The following SLC16A7 variants were observed in gnomAD, a reference collection of about 807,000 sequenced individuals.
SLC16A7 encodes solute carrier family 16 member 7.
A neutral mutation model predicts 34.9 loss-of-function variants in SLC16A7; 33 were observed. The observed-to-expected ratio is 0.94, with a 90% CI of 0.72 to 1.26. The LOEUF (loss-of-function observed/expected upper bound fraction) is 1.26. SLC16A7 is among the 50% of genes most tolerant of loss of function. The pLI is 0.00. For missense variants in SLC16A7, 573 were observed against 578.1 expected, an observed-to-expected ratio of 0.99 and a Z score of 0.09; for synonymous variants, 201 against 206.6, an observed-to-expected ratio of 0.97 and a Z score of 0.23.
At chr12:59,602,522 C>T (rs1421251580) in intron 1 of SLC16A7, among the ~76,000 whole-genome samples, 2 of 121,480 alleles carry the variant, frequency 1.6e-5, no homozygotes, top group Non-Finnish European at 3.2e-5. Flanking sequence ...TTCACTGCAA[C>T]ACCCAGGCTT....
intron 3 of SLC16A7, among the ~76,000 whole-genome samples, chr12:59,718,036 G>C (rs1241587742): frequency 6.6e-6 from 1 of 152,130 alleles, no homozygotes. Flanking sequence ...TTTGGTTCCA[G>C]ACAGTTCTCT....
chr12:59,771,688 T>A (rs1592688203), intron 4 of SLC16A7, among the ~76,000 whole-genome samples: 1 of 152,202 alleles, frequency 6.6e-6, no homozygotes, highest in Non-Finnish European at 1.5e-5. Flanking sequence ...GACTTTCTGA[T>A]GTAAATAAAT....
At chr12:59,764,196 G>A (rs1204245671) in intron 3 of SLC16A7, 1 of 152,152 alleles carries the variant, frequency 6.6e-6, no homozygotes, top group East Asian at 1.9e-4. Context: ...TAGAAGTTTG[G>A]ATACAAGATC....
At chr12:59,666,943 A>C (rs1869255659) in intron 2 of SLC16A7, among the ~76,000 whole-genome samples, 1 of 152,152 alleles carries the variant, frequency 6.6e-6, no homozygotes, top group Non-Finnish European at 1.5e-5. Context: ...GCTGATAAAG[A>C]CATTCCAGAG....
At chr12:59,628,463 A>T (rs777713642) in intron 1 of SLC16A7, among the ~76,000 whole-genome samples, 18 of 151,850 alleles carry the variant, frequency 1.2e-4, no homozygotes, top group Non-Finnish European at 2.7e-4. Context: ...TTCATGACTC[A>T]ATTCAATTGT....
chr12:59,771,592 A>ATT (rs1383725313), intron 4 of SLC16A7, among the ~76,000 whole-genome samples: 1 of 152,196 alleles, frequency 6.6e-6, no homozygotes, highest in African/African-American at 2.4e-5. Flanking sequence ...TATCATATAA[A>ATT]TTTAAAAAGA....
rs1883794870 is a variant in SLC16A7 at position 59,788,763 on chromosome 12, C to A, written c.*9084C>A. The A allele has an allele frequency of 6.6e-6, 1 of 151,672 alleles. No homozygotes were observed. The highest frequency in any genetic ancestry group is 2.1e-4 in the South Asian group (1 of 4,810). 9.4% of individuals were successfully genotyped at this position (151,672 alleles called of 1,614,324 possible). On this transcript the variant is annotated 3_prime_UTR_variant, in exon 6 of 6. Coordinates refer to ENST00000547379, the MANE Select transcript of SLC16A7 (RefSeq NM_001270623.2). The stretch of plus-strand genomic sequence containing the variant: ...CAAATAATATGTGTAAAGGAATTAA[C>A]CAAAAATGAAAGAACTGGCATTTTC...
rs1173492634 is a variant in SLC16A7, at chr12:59,781,554, T to C, written c.*1875T>C. 1.3e-5 allele frequency: 2 copies of C among 152,596 alleles called. No individual in the cohort carries two copies. Among genetic ancestry groups the C allele is most frequent in the East Asian group, 3.8e-4 (2 of 5,196 alleles). The allele number at this position is 152,596 out of a possible 1,614,324, so 9.5% of individuals were successfully genotyped here. A position where few individuals can be genotyped will look rare whatever the true frequency, so the allele number is the denominator to read the frequency against. On this transcript the variant is annotated 3_prime_UTR_variant, in exon 6 of 6. Coordinates refer to ENST00000547379, the MANE Select transcript of SLC16A7 (RefSeq NM_001270623.2). ...TTGCTCTTTTGCATATGAAGAGATATTTGTATTTTTCAAATGTTAAGTAAA... is the reference window on the plus strand; with the variant it reads ...TTGCTCTTTTGCATATGAAGAGATACTTGTATTTTTCAAATGTTAAGTAAA...
At chr12:59,660,142 T>G (rs1157850516) in intron 2 of SLC16A7, among the ~76,000 whole-genome samples, 2 of 152,082 alleles carry the variant, frequency 1.3e-5, no homozygotes, top group East Asian at 3.9e-4. Context: ...AAAGAATCCT[T>G]TAGATTTTTT....
rs1478429704 is a variant in SLC16A7, at chr12:59,767,037, ACTT to A, written c.218-4177_218-4175del. The stretch of plus-strand genomic sequence containing the variant: ...TGTTATTGATCTATTCAGAGATTCA[ACTT>A]CTTCCTGGTTTAGTCTTGCGAGGGT... On this transcript the variant is annotated intron_variant, in intron 3 of 5. Transcript: ENST00000547379. Among the ~76,000 whole-genome samples the A allele has an allele frequency of 4.0e-5, 6 of 151,456 alleles. No individual in the cohort carries two copies. In the East Asian group the frequency reaches 7.8e-4, roughly 20 times the overall value.
intron 1 of SLC16A7, among the ~76,000 whole-genome samples, chr12:59,637,549 A>G (rs1301141291): frequency 6.6e-6 from 1 of 152,026 alleles, no homozygotes. Flanking sequence ...TTAGACTTAC[A>G]TAATAGGTTG....
At chr12:59,733,718 G>T (rs753014588) in intron 3 of SLC16A7, 2 of 456,000 alleles carry the variant, frequency 4.4e-6, no homozygotes, top group South Asian at 1.5e-5. Flanking sequence ...CCATTCAGCA[G>T]GTCCCAAGCT....
At chr12:59,743,182 G>C (rs1389778099) in intron 3 of SLC16A7, among the ~76,000 whole-genome samples, 1 of 152,120 alleles carries the variant, frequency 6.6e-6, no homozygotes, top group Admixed American at 6.5e-5. Context: ...AGAAATTTAG[G>C]ATGCCGGCAC....
chr12:59,770,442 G>GAACGTGTC (rs1882110600), intron 3 of SLC16A7, among the ~76,000 whole-genome samples: 1 of 152,058 alleles, frequency 6.6e-6, no homozygotes, highest in Non-Finnish European at 1.5e-5. Flanking sequence ...CACCTTACTA[G>GAACGTGTC]AACGTGTCAA....
chr12:59,629,349 A>G (rs1880077056), intron 1 of SLC16A7, among the ~76,000 whole-genome samples: 1 of 151,900 alleles, frequency 6.6e-6, no homozygotes, highest in Non-Finnish European at 1.5e-5. Flanking sequence ...GTAGAACAGT[A>G]CTTGGAGAAT....
chr12:59,706,197 T>C (rs749288441), intron 3 of SLC16A7, among the ~76,000 whole-genome samples: 2 of 152,172 alleles, frequency 1.3e-5, no homozygotes, highest in Non-Finnish European at 2.9e-5. Context: ...AAGCCAGATC[T>C]GGCCCAGGCC....
chr12:59,667,214 G>A (rs1869280341), intron 2 of SLC16A7, among the ~76,000 whole-genome samples: 1 of 152,102 alleles, frequency 6.6e-6, no homozygotes, highest in South Asian at 2.1e-4. Context: ...GGAATTCTGG[G>A]AGATGAAATT....
At chr12:59,665,592 G>C (rs1380893479) in intron 2 of SLC16A7, among the ~76,000 whole-genome samples, 2 of 151,976 alleles carry the variant, frequency 1.3e-5, no homozygotes, top group African/African-American at 2.4e-5. Flanking sequence ...TGTAATTAAA[G>C]ACATTGCTCA....
At chr12:59,674,130 T>C (rs371364001) in intron 2 of SLC16A7, among the ~76,000 whole-genome samples, 3 of 152,222 alleles carry the variant, frequency 2.0e-5, no homozygotes, top group African/African-American at 7.2e-5. Flanking sequence ...TTTTGCATTA[T>C]GTTGCATAAT....
Sources: gnomAD v4.1 joint callset for allele counts (sites outside exome capture counted in the v4.1 genomes callset) on GRCh38, gnomAD v4.1.1 for gene constraint, MANE v1.5 for transcripts, NCBI Gene and HGNC (gene_info 2026-07-23, HGNC 2026-07-21) for gene names.